CHERP: variants seen among roughly 807,000 people sequenced by gnomAD.
CHERP encodes ERPROT 213-21.
CHERP carries 8 observed loss-of-function variants against 113.8 expected under a neutral mutation model. That is an observed-to-expected ratio of 0.07 (90% CI 0.04 to 0.13). The LOEUF is 0.13. Among genes scored for constraint, CHERP ranks in the 10% least tolerant of loss-of-function variants. The probability of loss-of-function intolerance (pLI) is 1.00; values close to 1 mark genes in which losing one functional copy is unlikely to be tolerated. For missense variants in CHERP, 884 were observed against 1,298.2 expected (o/e 0.68, Z 4.90); for synonymous variants, 559 against 524.5 (o/e 1.07, Z -0.90).
chr19:16,528,060 C>A lies in CHERP; in HGVS notation c.1305+20G>T, dbSNP rs754629619. The A allele has an allele frequency of 3.7e-5, 59 of 1,611,366 alleles. No homozygotes were observed. Among genetic ancestry groups the A allele is most frequent in the Non-Finnish European group, 4.7e-5 (56 of 1,179,426 alleles). On this transcript the variant is annotated intron_variant, in intron 9 of 16. Coordinates refer to ENST00000546361, the MANE Select transcript of CHERP (RefSeq NM_006387.6). The stretch of plus-strand genomic sequence containing the variant: ...GCCAAGTGTGCCCCATCTGCTCCCA[C>A]CCCAGGTTCCAATCAATACCTGCTG...
chr19:16,539,426 C>T (rs1271824577), intron 2 of CHERP, among the ~76,000 whole-genome samples: 1 of 152,168 alleles, frequency 6.6e-6, no homozygotes, highest in African/African-American at 2.4e-5. Flanking sequence ...GGATTACAGG[C>T]GTGAGCCACC....
intron 2 of CHERP, among the ~76,000 whole-genome samples, chr19:16,538,686 A>G (rs1041727082): frequency 4.0e-5 from 6 of 150,812 alleles, no homozygotes; most frequent in East Asian, 1.9e-4. Flanking sequence ...TCCATCTCCA[A>G]AAAAAAAAGA....
chr19:16,524,956 A>G (rs544050903), intron 10 of CHERP, among the ~76,000 whole-genome samples: 14 of 152,228 alleles, frequency 9.2e-5, no homozygotes, highest in South Asian at 6.2e-4. Context: ...CAGCAGTAAA[A>G]AGAACGAGGC....
In CHERP at chr19:16,520,490, C is replaced by G. The variant is rs759063404; in HGVS notation, c.2219G>C (p.Arg740Pro). 1 of 1,613,510 alleles carries G rather than the reference C, an allele frequency of 6.2e-7. No homozygotes were observed. The change falls in exon 14 of 17, where the codon CGG (arginine) becomes CCG (proline). Residue 740 changes from arginine (R) to proline (P), a missense_variant. Coordinates refer to ENST00000546361, the MANE Select transcript of CHERP (RefSeq NM_006387.6). This position sits in a 1 kb window ranked among gnomAD's most constrained non-coding sequence, Gnocchi z 4.0. Reference sequence around the variant, plus strand: ...ACGCCCTCGACTCTTGGATCTGCTCCGAGACCTCGAGGGTCCGCTGTGGGG... The same window carrying G: ...ACGCCCTCGACTCTTGGATCTGCTCGGAGACCTCGAGGGTCCGCTGTGGGG... ...EKRNSGPSRS[R>P]SRSKSRGRSS...
chr19:16,540,784 A>C (rs1048207012), intron 2 of CHERP, among the ~76,000 whole-genome samples: 1 of 138,926 alleles, frequency 7.2e-6, no homozygotes, highest in Admixed American at 7.3e-5. Flanking sequence ...CGCAACCTCC[A>C]CCTCCCGGGT....
rs796552259 is a variant in CHERP at position 16,532,919 on chromosome 19, G to T, written c.522+92C>A. 5.9e-6 allele frequency: 9 copies of T among 1,518,386 alleles called. No homozygotes were observed. The African/African-American group carries it at 9.6e-5, about 16-fold the overall frequency. 94.1% of individuals were successfully genotyped at this position (1,518,386 alleles called of 1,614,324 possible). ...CAGGCGGGAGGGAAGGGCACCCATT[G>T]TAACAGCCCTTAGCCCAGATTGGCT... On this transcript the variant is annotated intron_variant, in intron 4 of 16. Transcript: ENST00000546361. The surrounding 1 kb of genome is among the most constrained non-coding windows in gnomAD (Gnocchi z 4.4).
chr19:16,524,946 C>T (rs1457917885), intron 10 of CHERP, among the ~76,000 whole-genome samples: 1 of 152,064 alleles, frequency 6.6e-6, no homozygotes, highest in African/African-American at 2.4e-5. Flanking sequence ...AAACAAGCAG[C>T]AGCAGTAAAA....
In CHERP at chr19:16,519,433, G is replaced by T; in HGVS notation, c.2558-81C>A. On this transcript the variant is annotated intron_variant, in intron 16 of 16. Transcript: ENST00000546361. The surrounding 1 kb of genome is among the most constrained non-coding windows in gnomAD (Gnocchi z 6.0). ...CGTGGGGGGCTGAATGTCCAGACAG[G>T]CAGTGTAGACATGGGAAATGGGTAG... 6.9e-7 allele frequency: 1 copy of T among 1,452,428 alleles called. No individual in the cohort carries two copies. The highest frequency in any genetic ancestry group is 9.5e-7 in the Non-Finnish European group (1 of 1,057,882). 90.0% of individuals were successfully genotyped at this position (1,452,428 alleles called of 1,614,324 possible).
chr19:16,522,739 G>A (rs894822299), intron 11 of CHERP, among the ~76,000 whole-genome samples: 5 of 152,140 alleles, frequency 3.3e-5, no homozygotes, highest in Admixed American at 3.3e-4. Context: ...CTGGGACAAG[G>A]TGCTTCTGAG....
rs766921705 is a variant in CHERP, at chr19:16,530,096, G to A, written c.877-196C>T. Among the ~76,000 whole-genome samples, 39 of 152,230 alleles carry A rather than the reference G, an allele frequency of 2.6e-4. No homozygotes were observed. The highest frequency in any genetic ancestry group is 4.3e-4 in the Non-Finnish European group (29 of 68,046). On this transcript the variant is annotated intron_variant, in intron 7 of 16. Transcript: ENST00000546361. This position sits in a 1 kb window ranked among gnomAD's most constrained non-coding sequence, Gnocchi z 4.1. ...ATCTGGCCAGAGATTTGGGGATGAG[G>A]ATGTTCGCTGCAGCGTGTTTTACGA...
intron 11 of CHERP, among the ~76,000 whole-genome samples, chr19:16,522,212 T>A (rs2085622277): frequency 6.6e-6 from 1 of 151,634 alleles, no homozygotes; most frequent in Non-Finnish European, 1.5e-5. Flanking sequence ...GAAGTGGCAG[T>A]GGCCAGCATG....
chr19:16,534,797 G>A (rs762007442), intron 3 of CHERP, among the ~76,000 whole-genome samples: 4 of 152,116 alleles, frequency 2.6e-5, no homozygotes, highest in East Asian at 3.9e-4. Flanking sequence ...TCTATTTGGC[G>A]AAAGTTATCA....
rs1282831765 is a variant in CHERP, at chr19:16,525,655, G to A, written c.1328C>T (p.Pro443Leu). The A allele has an allele frequency of 1.1e-5, 17 of 1,520,516 alleles. No homozygotes were observed. In the East Asian group the frequency reaches 3.7e-4, roughly 33 times the overall value. The allele number at this position is 1,520,516 out of a possible 1,614,324, so 94.2% of individuals were successfully genotyped here. A position where few individuals can be genotyped will look rare whatever the true frequency, so the allele number is the denominator to read the frequency against. Residue 443 changes from proline (P) to leucine (L), a missense_variant, in exon 10 of 17, where the codon CCG (proline) becomes CTG (leucine). Pro to Leu is a moderately conservative substitution (Grantham distance 98). Around this residue, in one of 8 missense-constraint regions of CHERP, gnomAD observed 464 missense variants for 590.1 expected, o/e 0.79. Coordinates refer to ENST00000546361, the MANE Select transcript of CHERP (RefSeq NM_006387.6). This position sits in a 1 kb window ranked among gnomAD's most constrained non-coding sequence, Gnocchi z 6.5. ...GTGGGGTGGGCCGCCCTGGTGGTGCGGGTAGGGTGGCTGCTCTGGCGGCTG... is the reference window on the plus strand; with the variant it reads ...GTGGGGTGGGCCGCCCTGGTGGTGCAGGTAGGGTGGCTGCTCTGGCGGCTG... ...QQQPPEQPPY[P>L]HHQGGPPHCP... is the part of the protein sequence containing the mutation.
rs530518515 is a variant in CHERP at position 16,535,951 on chromosome 19, C to T, written c.200-315G>A. 6.6e-6 allele frequency among the ~76,000 whole-genome samples: 1 copy of T among 152,204 alleles called. No individual in the cohort carries two copies. The highest frequency in any genetic ancestry group is 2.4e-5 in the African/African-American group (1 of 41,458). On this transcript the variant is annotated intron_variant, in intron 2 of 16. Transcript: ENST00000546361. The surrounding 1 kb of genome is among the most constrained non-coding windows in gnomAD (Gnocchi z 4.3). Reference sequence around the variant, plus strand: ...GTCCTTCCGGTGCAAGCTAAGCTTGCCTGCCCACCTCCTCACCCACCTAGG... The same window carrying T: ...GTCCTTCCGGTGCAAGCTAAGCTTGTCTGCCCACCTCCTCACCCACCTAGG...
rs916167364 is a variant in CHERP at position 16,523,482 on chromosome 19, A to T, written c.1742-192T>A. 5.3e-5 allele frequency among the ~76,000 whole-genome samples: 8 copies of T among 152,022 alleles called. No homozygotes were observed. Among genetic ancestry groups the T allele is most frequent in the African/African-American group, 1.9e-4 (8 of 41,378 alleles). On this transcript the variant is annotated intron_variant, in intron 10 of 16. Transcript: ENST00000546361. This position sits in a 1 kb window ranked among gnomAD's most constrained non-coding sequence, Gnocchi z 4.0. ...CCAGGCTCCGAGGGGCCTGTCCCGC[A>T]CCCATAGGCACAGCCGAGGGAGCTT...
In CHERP at chr19:16,528,062, C is replaced by T. The variant is rs747644951; in HGVS notation, c.1305+18G>A. 5 of 1,611,616 alleles carry T rather than the reference C, an allele frequency of 3.1e-6. No homozygotes were observed. The highest frequency in any genetic ancestry group is 3.4e-6 in the Non-Finnish European group (4 of 1,179,590). Reference sequence around the variant, plus strand: ...CAAGTGTGCCCCATCTGCTCCCACCCCAGGTTCCAATCAATACCTGCTGCT... The same window carrying T: ...CAAGTGTGCCCCATCTGCTCCCACCTCAGGTTCCAATCAATACCTGCTGCT... On this transcript the variant is annotated intron_variant, in intron 9 of 16. Coordinates refer to ENST00000546361, the MANE Select transcript of CHERP (RefSeq NM_006387.6).
intron 1 of CHERP, 53 bp from the exon 2 acceptor site, chr19:16,542,096 C>A: frequency 6.5e-7 from 1 of 1,546,500 alleles, no homozygotes; most frequent in Non-Finnish European, 8.7e-7. Context: ...CGCCCAAAGC[C>A]GGGGGACTCG....
At chr19:16,536,748 G>A (rs2085743825) in intron 2 of CHERP, among the ~76,000 whole-genome samples, 1 of 152,246 alleles carries the variant, frequency 6.6e-6, no homozygotes, top group African/African-American at 2.4e-5. Flanking sequence ...TGGGCATGAT[G>A]GCTCACGCCT....
At chr19:16,533,242 T>C (rs1212128792) in intron 3 of CHERP, 94 bp from the exon 4 acceptor site, 3 of 1,271,992 alleles carry the variant, frequency 2.4e-6, no homozygotes, top group South Asian at 1.4e-5. Context: ...GGTGGGGACA[T>C]GGTGGCGATG....
Sources: gnomAD v4.1 joint callset for allele counts (sites outside exome capture counted in the v4.1 genomes callset) on GRCh38, gnomAD v4.1.1 for gene constraint, gnomAD v4.1.1 regional missense constraint, Gnocchi (gnomAD v3.1) non-coding constraint, MANE v1.5 for transcripts, NCBI Gene and HGNC (gene_info 2026-07-23, HGNC 2026-07-21) for gene names.